Variants in RCC2 observed in about 807,000 individuals in gnomAD.
RCC2 encodes the protein regulator of chromosome condensation 2.
Under a neutral mutation model 64.1 loss-of-function variants are expected in RCC2, and 19 were observed. The observed-to-expected ratio is 0.30, with a 90% confidence interval of 0.21 to 0.44. The LOEUF is 0.44. Among genes scored for constraint, RCC2 ranks in the 20% least tolerant of loss-of-function variants. The pLI is 1.00. For synonymous variants in RCC2, 325 were observed against 279.6 expected (o/e 1.16, Z -1.62); for missense variants, 508 against 710.4 (o/e 0.72, Z 3.24).
At chr1:17,410,435 C>T (rs952043331) in intron 11 of RCC2, among the ~76,000 whole-genome samples, 12 of 152,172 alleles carry the variant, frequency 7.9e-5, no homozygotes, top group African/African-American at 2.9e-4. Context: ...TGACCAAATG[C>T]CCTTGATGCC....
At chr1:17,418,644 A>G (rs2075517425) in intron 7 of RCC2, among the ~76,000 whole-genome samples, 1 of 152,000 alleles carries the variant, frequency 6.6e-6, no homozygotes, top group Non-Finnish European at 1.5e-5. Context: ...TGACAGAGCA[A>G]GACTCCGTAT....
chr1:17,430,052 T>C (rs901837171), intron 2 of RCC2, among the ~76,000 whole-genome samples: 4 of 152,358 alleles, frequency 2.6e-5, no homozygotes, highest in African/African-American at 9.6e-5. Context: ...TGTCAAAATA[T>C]ACTTTTTCAA....
chr1:17,438,879 T>C (rs1027691334), intron 1 of RCC2, among the ~76,000 whole-genome samples: 4 of 152,142 alleles, frequency 2.6e-5, no homozygotes, highest in Non-Finnish European at 5.9e-5. Context: ...GTCCCCTAGA[T>C]TTTCATTAAA....
chr1:17,419,963 C>T (rs2075536552), intron 7 of RCC2, among the ~76,000 whole-genome samples: 1 of 152,232 alleles, frequency 6.6e-6, no homozygotes, highest in Admixed American at 6.5e-5. Context: ...CCAGCGGGCT[C>T]GGCGCTATTT....
chr1:17,416,081 G>C (rs1270078818), intron 8 of RCC2, among the ~76,000 whole-genome samples: 3 of 113,608 alleles, frequency 2.6e-5, no homozygotes, highest in African/African-American at 6.6e-5. Context: ...AAAAAAAAGG[G>C]GGGGGGGGCG....
chr1:17,409,425 A>G (rs768296945), intron 12 of RCC2, among the ~76,000 whole-genome samples: 1 of 152,244 alleles, frequency 6.6e-6, no homozygotes, highest in Non-Finnish European at 1.5e-5. Flanking sequence ...GCTGGAAGGA[A>G]GCCCACTGGG....
Position 17,409,072 on chromosome 1 carries a change from G to A in RCC2, c.*18C>T, listed in dbSNP as rs1310780635. On this transcript the variant is annotated 3_prime_UTR_variant, in exon 13 of 13. Transcript: ENST00000375436. Reference sequence around the variant, plus strand: ...AGCTGCCGCGAGAGGTGTGGAGTCGGAGGAGTCTCCGGGAGCATCAGAGGG... The same window carrying A: ...AGCTGCCGCGAGAGGTGTGGAGTCGAAGGAGTCTCCGGGAGCATCAGAGGG... 4 of 1,548,380 alleles carry A rather than the reference G, an allele frequency of 2.6e-6. No homozygotes were observed. In the Admixed American group the frequency reaches 5.0e-5, roughly 19 times the overall value.
chr1:17,429,758 T>TA (rs2075655041), intron 2 of RCC2, among the ~76,000 whole-genome samples: 1 of 152,132 alleles, frequency 6.6e-6, no homozygotes, highest in African/African-American at 2.4e-5. Context: ...CTTTGGTGGG[T>TA]ATGCAGGGGT....
chr1:17,410,104 C>T (rs1253222055), intron 11 of RCC2, 53 bp from the exon 12 acceptor site: 2 of 1,515,886 alleles, frequency 1.3e-6, no homozygotes, highest in African/African-American at 2.7e-5. Flanking sequence ...GCTCAGTCCA[C>T]AAGTGGGGAA....
At chr1:17,409,951 C>T in intron 12 of RCC2, 23 bp downstream of exon 12, 5 of 1,605,304 alleles carry the variant, frequency 3.1e-6, no homozygotes, top group Non-Finnish European at 4.3e-6. Context: ...CGTCCCCGAG[C>T]TGGCACAGCT....
chr1:17,419,935 T>A (rs995700532), intron 7 of RCC2, among the ~76,000 whole-genome samples: 1 of 152,204 alleles, frequency 6.6e-6, no homozygotes, highest in African/African-American at 2.4e-5. Context: ...ACAAAGTCAC[T>A]GTTCCCCGAG....
At chr1:17,417,559 T>C (rs760216788) in intron 7 of RCC2, among the ~76,000 whole-genome samples, 1 of 152,046 alleles carries the variant, frequency 6.6e-6, no homozygotes, top group African/African-American at 2.4e-5. Context: ...GGTGGGTGCC[T>C]ATAGTCCAGC....
chr1:17,420,682 T>C, intron 7 of RCC2, 32 bp downstream of exon 7: 1 of 1,393,116 alleles, frequency 7.2e-7, no homozygotes, highest in South Asian at 1.3e-5. Context: ...TACAGTTAGA[T>C]TACAGAGCTT....
intron 2 of RCC2, among the ~76,000 whole-genome samples, chr1:17,431,359 A>AAAAAATATATATATATAT (rs1553158471): frequency 2.2e-5 from 1 of 44,936 alleles, no homozygotes; most frequent in African/African-American, 1.1e-4. Flanking sequence ...AAAAAAAAAA[A>AAAAAATATATATATATAT]ATATATATAT....
intron 2 of RCC2, among the ~76,000 whole-genome samples, chr1:17,432,462 G>C (rs1025862917): frequency 2.0e-5 from 3 of 152,114 alleles, no homozygotes; most frequent in African/African-American, 7.2e-5. Flanking sequence ...GGCAAGCCTA[G>C]AAAAGAGCCC....
At chr1:17,415,005 AAGT>A (rs1269622053) in intron 8 of RCC2, among the ~76,000 whole-genome samples, 1 of 152,292 alleles carries the variant, frequency 6.6e-6, no homozygotes, top group East Asian at 1.9e-4. Context: ...GAGACACTTC[AAGT>A]GTTTAAGATT....
chr1:17,431,499 C>CCAAAA (rs1491306225), intron 2 of RCC2, among the ~76,000 whole-genome samples: 4 of 57,904 alleles, frequency 6.9e-5, no homozygotes, highest in African/African-American at 3.0e-4. Context: ...AGCCCTGTCT[C>CCAAAA]AAAAAAAAAA....
intron 1 of RCC2, 52 bp from the exon 2 acceptor site, chr1:17,438,574 C>T: frequency 1.6e-6 from 2 of 1,277,824 alleles, no homozygotes; most frequent in African/African-American, 1.5e-5. Flanking sequence ...ATAAACTGCG[C>T]GGGGGGAGGG....
At chr1:17,433,890 C>T (rs1482973872) in intron 2 of RCC2, among the ~76,000 whole-genome samples, 1 of 152,174 alleles carries the variant, frequency 6.6e-6, no homozygotes, top group Non-Finnish European at 1.5e-5. Flanking sequence ...TAAGGGCCAT[C>T]AACTGAAACA....
Sources: allele counts gnomAD v4.1 joint callset (sites outside exome capture counted in the v4.1 genomes callset), GRCh38; gene constraint gnomAD v4.1.1; transcripts MANE v1.5; gene names NCBI Gene and HGNC (gene_info 2026-07-23, HGNC 2026-07-21).